PIP4P2: variants seen among roughly 807,000 people sequenced by gnomAD.
The protein encoded by PIP4P2 is phosphatidylinositol-4,5-bisphosphate 4-phosphatase 2.
In PIP4P2, 19 loss-of-function variants were observed where a neutral mutation model predicts 33.3. The ratio of observed to expected loss-of-function variants is 0.57; its 90% CI spans 0.40 to 0.84. PIP4P2 has a LOEUF of 0.84. PIP4P2 is among the 40% of genes least tolerant of loss of function. PIP4P2 has a pLI of 0.00. For synonymous variants in PIP4P2, 110 were observed against 111.9 expected (o/e 0.98, Z 0.11); for missense variants, 270 against 324.7 (o/e 0.83, Z 1.29).
At position 90,994,458 on chromosome 8, in the gene PIP4P2, C is replaced by T. The variant is rs1197674462; in HGVS notation, c.*1219G>A. 6.6e-6 allele frequency: 1 copy of T among 152,400 alleles called. No individual in the cohort carries two copies. The highest frequency in any genetic ancestry group is 2.4e-5 in the African/African-American group (1 of 41,430). The allele number at this position is 152,400 out of a possible 1,614,324, so 9.4% of individuals were successfully genotyped here. A position where few individuals can be genotyped will look rare whatever the true frequency, so the allele number is the denominator to read the frequency against. ...AATATTAGTCTTATCTCTGGAATCA[C>T]CAATCAATTTACTCAGATGATCTCA... On this transcript the variant is annotated 3_prime_UTR_variant, in exon 7 of 7. Coordinates refer to ENST00000285419, the MANE Select transcript of PIP4P2 (RefSeq NM_018710.3).
intron 4 of PIP4P2, among the ~76,000 whole-genome samples, chr8:91,013,360 G>A (rs1447094234): frequency 6.6e-6 from 1 of 152,186 alleles, no homozygotes; most frequent in Non-Finnish European, 1.5e-5. Context: ...GAGATCTCCA[G>A]AAGTAGGTTG....
At chr8:90,995,894 C>T in intron 6 of PIP4P2, 74 bp from the exon 7 acceptor site, 2 of 1,450,144 alleles carry the variant, frequency 1.4e-6, no homozygotes, top group Non-Finnish European at 1.8e-6. Context: ...CTTGTATCAG[C>T]TTACATGTGA....
chr8:91,039,740 T>A (rs557563261), intron 1 of PIP4P2, among the ~76,000 whole-genome samples: 56 of 152,298 alleles, frequency 3.7e-4, no homozygotes, highest in African/African-American at 9.4e-4. Flanking sequence ...CATTTTCTTG[T>A]AACGCCTGAC....
chr8:91,037,198 G>A (rs1317582700), intron 1 of PIP4P2, among the ~76,000 whole-genome samples: 2 of 152,172 alleles, frequency 1.3e-5, no homozygotes, highest in East Asian at 3.8e-4. Flanking sequence ...TTCTTTGAAG[G>A]GGAAAGAGAG....
At chr8:91,007,603 A>AT (rs1413758876) in intron 5 of PIP4P2, among the ~76,000 whole-genome samples, 1 of 152,176 alleles carries the variant, frequency 6.6e-6, no homozygotes, top group Non-Finnish European at 1.5e-5. Context: ...GATAACAATA[A>AT]TTTTTTAAAT....
At chr8:91,004,178 C>G (rs1299710182) in intron 5 of PIP4P2, among the ~76,000 whole-genome samples, 1 of 152,148 alleles carries the variant, frequency 6.6e-6, no homozygotes, top group Non-Finnish European at 1.5e-5. Context: ...AATTCTCAGT[C>G]TGAGGAGGAA....
chr8:91,021,225 T>C (rs1812004487), intron 2 of PIP4P2, 31 bp downstream of exon 2: 1 of 1,609,938 alleles, frequency 6.2e-7, no homozygotes, highest in African/African-American at 1.3e-5. Context: ...AATAACAATT[T>C]ATATTTTTTC....
chr8:91,005,749 T>C (rs182639644), intron 5 of PIP4P2, among the ~76,000 whole-genome samples: 10 of 152,326 alleles, frequency 6.6e-5, no homozygotes, highest in South Asian at 4.1e-4. Context: ...ATCAGTGATG[T>C]AAAAGAAATG....
At chr8:91,017,323 C>T (rs560928680) in intron 4 of PIP4P2, among the ~76,000 whole-genome samples, 14 of 152,066 alleles carry the variant, frequency 9.2e-5, no homozygotes, top group African/African-American at 2.4e-4. Flanking sequence ...TGCTTGAACC[C>T]GGGAGGCAGG....
chr8:90,997,260 T>C (rs569770735), intron 5 of PIP4P2, among the ~76,000 whole-genome samples: 4 of 152,166 alleles, frequency 2.6e-5, no homozygotes, highest in South Asian at 2.1e-4. Flanking sequence ...TTTTGTACCT[T>C]ACCAATATAT....
At position 91,030,553 on chromosome 8, in the gene PIP4P2, T is replaced by C. The variant is rs185804160; in HGVS notation, c.107-9149A>G. On this transcript the variant is annotated intron_variant, in intron 1 of 6. Coordinates refer to ENST00000285419, the MANE Select transcript of PIP4P2 (RefSeq NM_018710.3). ...GTATTTATTACATATTAAATTTTTA[T>C]TAGTAATATATTGGCATGGCTCAAA... Among the ~76,000 whole-genome samples, 9 of 152,320 alleles carry C rather than the reference T, an allele frequency of 5.9e-5. No homozygotes were observed. In the East Asian group the frequency reaches 1.7e-3, roughly 29 times the overall value.
At chr8:91,019,375 A>G (rs1354113910) in intron 3 of PIP4P2, among the ~76,000 whole-genome samples, 2 of 123,692 alleles carry the variant, frequency 1.6e-5, no homozygotes, top group African/African-American at 6.2e-5. Context: ...CCCGGGCAAT[A>G]TGGTGAAACC....
chr8:91,000,694 C>G (rs998607079), intron 5 of PIP4P2, among the ~76,000 whole-genome samples: 3 of 151,826 alleles, frequency 2.0e-5, no homozygotes, highest in African/African-American at 7.2e-5. Context: ...TTCTATTTCT[C>G]TTAGGTTTTC....
At chr8:91,021,594 A>C (rs1812009978) in intron 1 of PIP4P2, among the ~76,000 whole-genome samples, 190 bp from the exon 2 acceptor site, 1 of 152,182 alleles carries the variant, frequency 6.6e-6, no homozygotes, top group African/African-American at 2.4e-5. Context: ...AAGTAAAATA[A>C]TTCTTAACTC....
rs751280548 is a variant in PIP4P2 at position 90,995,639 on chromosome 8, T to C, written c.*38A>G. On this transcript the variant is annotated 3_prime_UTR_variant, in exon 7 of 7. Coordinates refer to ENST00000285419, the MANE Select transcript of PIP4P2 (RefSeq NM_018710.3). Reference sequence around the variant, plus strand: ...TCCAGAGTAGCTTACCAAGAACTGCTAGACACTCTCACCTGCATTACTGAA... The same window carrying C: ...TCCAGAGTAGCTTACCAAGAACTGCCAGACACTCTCACCTGCATTACTGAA... The C allele has an allele frequency of 6.3e-7, 1 of 1,591,712 alleles. No individual in the cohort carries two copies.
intron 5 of PIP4P2, among the ~76,000 whole-genome samples, chr8:91,001,837 T>C (rs943779092): frequency 1.3e-5 from 2 of 152,180 alleles, no homozygotes; most frequent in African/African-American, 4.8e-5. Context: ...TTGGCATGCA[T>C]AGTTTGGGGG....
At chr8:91,021,184 T>G in intron 2 of PIP4P2, 72 bp downstream of exon 2, 2 of 1,545,722 alleles carry the variant, frequency 1.3e-6, no homozygotes, top group Non-Finnish European at 1.8e-6. Flanking sequence ...AGTAACATTA[T>G]TGAAGTACTT....
chr8:91,018,078 G>T (rs1451509323), intron 4 of PIP4P2, among the ~76,000 whole-genome samples: 1 of 152,154 alleles, frequency 6.6e-6, no homozygotes, highest in Non-Finnish European at 1.5e-5. Flanking sequence ...GAGCAGGTGA[G>T]AGCAGGGCTA....
At chr8:90,996,788 A>G (rs1235546711) in intron 5 of PIP4P2, 44 bp from the exon 6 acceptor site, 11 of 1,483,698 alleles carry the variant, frequency 7.4e-6, no homozygotes, top group Non-Finnish European at 9.1e-6. Context: ...GTATTTACAT[A>G]AAAATTCTCT....
Sources: allele counts gnomAD v4.1 joint callset (sites outside exome capture counted in the v4.1 genomes callset), GRCh38; gene constraint gnomAD v4.1.1; transcripts MANE v1.5; gene names NCBI Gene and HGNC (gene_info 2026-07-23, HGNC 2026-07-21).